Variants in SH3BGRL2 observed in about 807,000 individuals in gnomAD.
The protein encoded by SH3BGRL2 is SH3 domain-binding glutamic acid-rich-like protein 2.
A neutral mutation model predicts 14.8 loss-of-function variants in SH3BGRL2; 21 were observed. The ratio of observed to expected loss-of-function variants is 1.42; its 90% confidence interval spans 1.01 to 2.05. The LOEUF is 2.05. Among genes scored for constraint, SH3BGRL2 ranks in the 30% most tolerant of loss-of-function variants. The pLI, the probability that SH3BGRL2 is intolerant of heterozygous loss-of-function variation, is 0.00. For synonymous variants in SH3BGRL2, 50 were observed against 47.8 expected, an observed-to-expected ratio of 1.05 and a Z score of -0.19; for missense variants, 147 against 130.8, an observed-to-expected ratio of 1.12 and a Z score of -0.61.
At chr6:79,661,523 T>C (rs1769547707) in intron 1 of SH3BGRL2, among the ~76,000 whole-genome samples, 1 of 152,128 alleles carries the variant, frequency 6.6e-6, no homozygotes, top group South Asian at 2.1e-4. Flanking sequence ...TGTTCTTTTA[T>C]ATTGGCTGAG....
the SH3BGRL2 span, among the ~76,000 whole-genome samples, chr6:79,579,630 A>G: frequency 6.6e-6 from 1 of 152,200 alleles, no homozygotes; most frequent in South Asian, 2.1e-4. Flanking sequence ...GGCCGGCCTT[A>G]CAAGAGCTCC....
At chr6:79,603,422 T>A in the SH3BGRL2 span, among the ~76,000 whole-genome samples, 1 of 152,192 alleles carries the variant, frequency 6.6e-6, no homozygotes, top group Non-Finnish European at 1.5e-5. Context: ...TGCAATTGAT[T>A]TACAATTAAA....
chr6:79,561,787 G>A, the SH3BGRL2 span, among the ~76,000 whole-genome samples: 1 of 152,118 alleles, frequency 6.6e-6, no homozygotes, highest in South Asian at 2.1e-4. Context: ...TAATCTGAGT[G>A]GATCACCTAT....
intron 1 of SH3BGRL2, among the ~76,000 whole-genome samples, chr6:79,643,971 G>T (rs1016704195): frequency 6.6e-6 from 1 of 152,156 alleles, no homozygotes; most frequent in South Asian, 2.1e-4. Flanking sequence ...AGTAAGATTC[G>T]ATGGGAGGGC....
chr6:79,684,879 C>T (rs1317896507), intron 2 of SH3BGRL2, among the ~76,000 whole-genome samples: 4 of 152,280 alleles, frequency 2.6e-5, no homozygotes, highest in African/African-American at 9.6e-5. Context: ...TGTTCTCCAT[C>T]AGATGTTTTC....
At chr6:79,569,323 G>A in the SH3BGRL2 span, among the ~76,000 whole-genome samples, 9 of 152,264 alleles carry the variant, frequency 5.9e-5, no homozygotes, top group East Asian at 1.7e-3. Flanking sequence ...CCAGGTAGCA[G>A]GCTTCAGAGA....
chr6:79,559,324 A>G, the SH3BGRL2 span, among the ~76,000 whole-genome samples: 2 of 152,004 alleles, frequency 1.3e-5, no homozygotes, highest in East Asian at 3.9e-4. Flanking sequence ...TTTGTAATTA[A>G]CTGGGCACGG....
the SH3BGRL2 span, among the ~76,000 whole-genome samples, chr6:79,577,636 C>A: frequency 6.6e-6 from 1 of 152,092 alleles, no homozygotes; most frequent in Non-Finnish European, 1.5e-5. Flanking sequence ...ACATTAAAAT[C>A]TAAACAAAGG....
Position 79,700,604 on chromosome 6 carries a change from A to G in SH3BGRL2, c.*1095A>G, listed in dbSNP as rs1344605366. The G allele has an allele frequency of 6.6e-6, 1 of 152,168 alleles. No homozygotes were observed. Among genetic ancestry groups the G allele is most frequent in the Non-Finnish European group, 1.5e-5 (1 of 68,024 alleles). 9.4% of individuals were successfully genotyped at this position (152,168 alleles called of 1,614,324 possible). A position where few individuals can be genotyped will look rare whatever the true frequency, so the allele number is the denominator to read the frequency against. On this transcript the variant is annotated 3_prime_UTR_variant, in exon 4 of 4. Transcript: ENST00000369838. ...CCTCATATTTTTCAGAGTAATACAG[A>G]TACTTGTTCTCATTCCGTATATGAG...
chr6:79,562,386 ATAGTT>A, the SH3BGRL2 span, among the ~76,000 whole-genome samples: 2 of 152,216 alleles, frequency 1.3e-5, no homozygotes, highest in African/African-American at 4.8e-5. Context: ...ATCCACTTAA[ATAGTT>A]TAGTAACTAT....
intron 2 of SH3BGRL2, among the ~76,000 whole-genome samples, chr6:79,675,355 T>C (rs1450555938): frequency 1.3e-5 from 2 of 152,160 alleles, no homozygotes; most frequent in Non-Finnish European, 2.9e-5. Context: ...TCCTTGATTG[T>C]TTATGTTTTT....
At chr6:79,633,451 T>C (rs1242108858) in intron 1 of SH3BGRL2, among the ~76,000 whole-genome samples, 1 of 152,200 alleles carries the variant, frequency 6.6e-6, no homozygotes, top group African/African-American at 2.4e-5. Context: ...ATTAGTATAA[T>C]ACCTATTAGT....
the SH3BGRL2 span, among the ~76,000 whole-genome samples, chr6:79,568,254 A>G: frequency 2.0e-5 from 3 of 152,146 alleles, no homozygotes; most frequent in African/African-American, 4.8e-5. Context: ...CATATGTGCA[A>G]AAGGACACAG....
At chr6:79,569,545 T>A in the SH3BGRL2 span, among the ~76,000 whole-genome samples, 1 of 152,098 alleles carries the variant, frequency 6.6e-6, no homozygotes, top group Non-Finnish European at 1.5e-5. Flanking sequence ...GTTTTGTTAG[T>A]CTTAAGGTCT....
the SH3BGRL2 span, among the ~76,000 whole-genome samples, chr6:79,558,075 G>A: frequency 6.6e-6 from 1 of 152,156 alleles, no homozygotes; most frequent in Non-Finnish European, 1.5e-5. Context: ...ATTTAAATAC[G>A]TTAGCACATT....
At chr6:79,622,417 A>G in the SH3BGRL2 span, among the ~76,000 whole-genome samples, 1 of 152,194 alleles carries the variant, frequency 6.6e-6, no homozygotes, top group African/African-American at 2.4e-5. Flanking sequence ...CTACTTTACT[A>G]TCTAAAACCA....
the SH3BGRL2 span, among the ~76,000 whole-genome samples, chr6:79,557,104 A>G: frequency 1.3e-5 from 2 of 151,924 alleles, no homozygotes; most frequent in African/African-American, 4.8e-5. Flanking sequence ...TAAAACGTCA[A>G]TTTATATTTC....
chr6:79,648,143 C>T (rs1212602187), intron 1 of SH3BGRL2, among the ~76,000 whole-genome samples: 3 of 150,350 alleles, frequency 2.0e-5, no homozygotes, highest in Non-Finnish European at 4.4e-5. Flanking sequence ...AGAAAAACTT[C>T]ACTGACCTTT....
At chr6:79,608,508 G>A in the SH3BGRL2 span, among the ~76,000 whole-genome samples, 1 of 152,112 alleles carries the variant, frequency 6.6e-6, no homozygotes, top group Non-Finnish European at 1.5e-5. Flanking sequence ...TCACTGTGTC[G>A]TACAAAGGGC....
Sources: allele counts gnomAD v4.1 joint callset (sites outside exome capture counted in the v4.1 genomes callset), GRCh38; gene constraint gnomAD v4.1.1; transcripts MANE v1.5; gene names NCBI Gene and HGNC (gene_info 2026-07-23, HGNC 2026-07-21).